Variants in CTNNA3 observed in about 807,000 individuals in gnomAD.
CTNNA3 encodes catenin alpha-3.
A neutral mutation model predicts 95.7 loss-of-function variants in CTNNA3; 76 were observed. That is an observed-to-expected ratio of 0.79 (90% CI 0.66 to 0.96). The LOEUF is 0.96. Ranked by LOEUF, CTNNA3 falls within the 40% of genes least tolerant of loss-of-function variation. The pLI is 0.00. For synonymous variants in CTNNA3, 431 were observed against 374.4 expected (o/e 1.15, Z -1.74); for missense variants, 1,191 against 1,089.8 (o/e 1.09, Z -1.31).
intron 17 of CTNNA3, among the ~76,000 whole-genome samples, chr10:65,931,931 T>C (rs540001203): frequency 1.9e-4 from 29 of 152,304 alleles, no homozygotes; most frequent in South Asian, 6.2e-4. Flanking sequence ...TCCCCAGGCA[T>C]TGGAATTCAG....
At chr10:67,464,095 T>C (rs751728356) in intron 5 of CTNNA3, among the ~76,000 whole-genome samples, 1 of 152,176 alleles carries the variant, frequency 6.6e-6, no homozygotes, top group Non-Finnish European at 1.5e-5. Context: ...AAACAAAACA[T>C]TGAAACTCGA....
chr10:67,266,860 A>T (rs1310266856), intron 5 of CTNNA3, among the ~76,000 whole-genome samples: 1 of 152,230 alleles, frequency 6.6e-6, no homozygotes, highest in Non-Finnish European at 1.5e-5. Context: ...GGATATGTTA[A>T]TTAATTTGAT....
intron 10 of CTNNA3, among the ~76,000 whole-genome samples, chr10:66,529,853 C>T (rs1215726168): frequency 6.6e-6 from 1 of 152,064 alleles, no homozygotes; most frequent in East Asian, 1.9e-4. Flanking sequence ...TAAAGTTTCA[C>T]TTTGCTTTAA....
chr10:67,221,306 T>C (rs1051152925), intron 5 of CTNNA3, among the ~76,000 whole-genome samples: 14 of 152,188 alleles, frequency 9.2e-5, no homozygotes, highest in African/African-American at 3.4e-4. Flanking sequence ...AAATAAAAGC[T>C]TAAGTTAAAA....
chr10:67,112,177 A>G (rs1858942484), intron 7 of CTNNA3, among the ~76,000 whole-genome samples: 1 of 152,142 alleles, frequency 6.6e-6, no homozygotes, highest in Non-Finnish European at 1.5e-5. Context: ...CCTTTTCAAT[A>G]TATTATGGAT....
intron 7 of CTNNA3, among the ~76,000 whole-genome samples, chr10:66,862,044 G>C (rs576340627): frequency 6.6e-6 from 1 of 151,946 alleles, no homozygotes; most frequent in African/African-American, 2.4e-5. Flanking sequence ...GTGAAAAACC[G>C]TCACTATTAA....
intron 5 of CTNNA3, among the ~76,000 whole-genome samples, chr10:67,327,570 T>C (rs748229538): frequency 2.0e-5 from 3 of 152,220 alleles, no homozygotes; most frequent in Non-Finnish European, 4.4e-5. Flanking sequence ...CTTTGTTCTC[T>C]GGCTCCTTGA....
chr10:66,335,601 A>G (rs1281548070), intron 12 of CTNNA3, among the ~76,000 whole-genome samples: 1 of 152,084 alleles, frequency 6.6e-6, no homozygotes, highest in African/African-American at 2.4e-5. Context: ...GTTTTGTCCC[A>G]GAGGAGTACC....
intron 13 of CTNNA3, among the ~76,000 whole-genome samples, chr10:66,107,237 G>C (rs79230427): frequency 1.3e-5 from 2 of 152,192 alleles, no homozygotes; most frequent in Admixed American, 1.3e-4. Context: ...TCAGAATTGT[G>C]GAGATATATT....
chr10:66,930,137 T>C (rs1847295087), intron 7 of CTNNA3, among the ~76,000 whole-genome samples: 1 of 152,174 alleles, frequency 6.6e-6, no homozygotes, highest in Non-Finnish European at 1.5e-5. Flanking sequence ...ATTTTAAGGA[T>C]GCCAGATCAT....
chr10:66,978,552 A>AAAAAATATATAT, intron 7 of CTNNA3, among the ~76,000 whole-genome samples: 3 of 37,866 alleles, frequency 7.9e-5, no homozygotes, highest in South Asian at 1.2e-3. Context: ...AAAAAAAAAA[A>AAAAAATATATAT]ATATATATAT....
intron 17 of CTNNA3, among the ~76,000 whole-genome samples, chr10:65,932,603 C>G (rs767690273): frequency 1.3e-5 from 2 of 152,070 alleles, no homozygotes; most frequent in African/African-American, 2.4e-5. Flanking sequence ...CTCCAAAGCC[C>G]TCATTCTCTC....
At chr10:66,889,970 T>C (rs954617325) in intron 7 of CTNNA3, among the ~76,000 whole-genome samples, 64 of 152,188 alleles carry the variant, frequency 4.2e-4, no homozygotes, top group African/African-American at 1.2e-3. Flanking sequence ...TTTGTATTTT[T>C]AGTAGAAATG....
chr10:67,187,757 T>C (rs192482118), intron 6 of CTNNA3, among the ~76,000 whole-genome samples: 2 of 152,202 alleles, frequency 1.3e-5, no homozygotes, highest in African/African-American at 4.8e-5. Flanking sequence ...AGCTAGTTTT[T>C]GTAATTTTTG....
In CTNNA3 at chr10:66,554,850, C is replaced by T. The variant is rs561198925; in HGVS notation, c.1375-34077G>A. On this transcript the variant is annotated intron_variant, in intron 10 of 17. Transcript: ENST00000433211. ...TTTCTTCATTTTTTTCAGTCTCTCACTGACACTGTTAATATCTGGTGTCCC... is the reference window on the plus strand; with the variant it reads ...TTTCTTCATTTTTTTCAGTCTCTCATTGACACTGTTAATATCTGGTGTCCC... Among the ~76,000 whole-genome samples, 8 of 152,182 alleles carry T rather than the reference C, an allele frequency of 5.3e-5. 1 individual carries two copies. The South Asian group carries it at 1.2e-3, about 24-fold the overall frequency.
chr10:67,745,437 C>T (rs1047400115), intron 1 of CTNNA3, among the ~76,000 whole-genome samples: 1 of 141,580 alleles, frequency 7.1e-6, no homozygotes, highest in African/African-American at 2.6e-5. Flanking sequence ...CATGTTCTCA[C>T]TCATAGTTGG....
intron 5 of CTNNA3, among the ~76,000 whole-genome samples, chr10:67,499,187 G>A (rs1839144883): frequency 6.6e-6 from 1 of 152,182 alleles, no homozygotes; most frequent in Non-Finnish European, 1.5e-5. Flanking sequence ...CATCTATTGA[G>A]ATATTCATGG....
chr10:66,063,527 C>T (rs1424956225), intron 15 of CTNNA3, among the ~76,000 whole-genome samples: 1 of 151,310 alleles, frequency 6.6e-6, no homozygotes, highest in Non-Finnish European at 1.5e-5. Flanking sequence ...GAGATTTCTT[C>T]CTCTTTCCCA....
At chr10:66,113,452 T>C (rs2082194879) in intron 13 of CTNNA3, among the ~76,000 whole-genome samples, 1 of 152,196 alleles carries the variant, frequency 6.6e-6, no homozygotes, top group South Asian at 2.1e-4. Context: ...GTAAGTGACT[T>C]GCAAAACTTC....
Sources: allele counts gnomAD v4.1 joint callset (sites outside exome capture counted in the v4.1 genomes callset), GRCh38; gene constraint gnomAD v4.1.1; transcripts MANE v1.5; gene names NCBI Gene and HGNC (gene_info 2026-07-23, HGNC 2026-07-21).